Variants in INPP4B observed in about 807,000 individuals in gnomAD.
The protein encoded by INPP4B is inositol polyphosphate-4-phosphatase type II B, also known as inositol polyphosphate 4-phosphatase type II.
Under a neutral mutation model 122.5 loss-of-function variants are expected in INPP4B, and 55 were observed. That is an observed-to-expected ratio of 0.45 (90% CI 0.36 to 0.56). INPP4B has a LOEUF of 0.56. Ranked by LOEUF, INPP4B falls within the 20% of genes least tolerant of loss-of-function variation. The pLI is 0.00. For missense variants in INPP4B, 1,000 were observed against 1,097.7 expected (o/e 0.91, Z 1.26); for synonymous variants, 403 against 388.7 (o/e 1.04, Z -0.43).
chr4:142,615,991 T>C (rs942242097), intron 2 of INPP4B, among the ~76,000 whole-genome samples: 1 of 152,138 alleles, frequency 6.6e-6, no homozygotes, highest in African/African-American at 2.4e-5. Context: ...AGGGGCCATA[T>C]GTTTGAGGCT....
chr4:142,357,127 A>G lies in INPP4B; in HGVS notation c.373-42365T>C, dbSNP rs56190333. 7.2e-4 allele frequency among the ~76,000 whole-genome samples: 109 copies of G among 152,106 alleles called. 1 individual carries two copies. The highest frequency in any genetic ancestry group is 2.6e-3 in the African/African-American group (107 of 41,542). On this transcript the variant is annotated intron_variant, in intron 7 of 25. Transcript: ENST00000262992. ...AAATATCCTTTGTGATAAATTAGCA[A>G]TAGTAAGTAGAATTGCTTTTCTGAG...
At chr4:142,062,614 T>G (rs1190351269) in intron 25 of INPP4B, among the ~76,000 whole-genome samples, 1 of 151,932 alleles carries the variant, frequency 6.6e-6, no homozygotes, top group Non-Finnish European at 1.5e-5. Flanking sequence ...TGCGCACCTG[T>G]AGTCCCAGCT....
At chr4:142,299,879 G>A (rs923171164) in intron 9 of INPP4B, among the ~76,000 whole-genome samples, 11 of 151,726 alleles carry the variant, frequency 7.2e-5, no homozygotes, top group East Asian at 1.9e-4. Flanking sequence ...TAAGGGGCTT[G>A]GATATGATTT....
intron 1 of INPP4B, among the ~76,000 whole-genome samples, chr4:142,731,884 A>G (rs937705259): frequency 5.9e-5 from 9 of 152,182 alleles, no homozygotes; most frequent in African/African-American, 2.2e-4. Context: ...CATCATCTCA[A>G]TAGCCAATAC....
intron 2 of INPP4B, among the ~76,000 whole-genome samples, chr4:142,624,117 A>C (rs1580534468): frequency 6.7e-6 from 1 of 150,310 alleles, no homozygotes; most frequent in Admixed American, 6.6e-5. Context: ...TGGTATTTCT[A>C]GTTCTAGATC....
chr4:142,596,517 A>G lies in INPP4B; in HGVS notation c.-191+129322T>C, dbSNP rs140321037. On this transcript the variant is annotated intron_variant, in intron 2 of 25. Transcript: ENST00000262992. ...TAAGGCCAGCAGAAGAGCCATCCAA[A>G]AAACCCACAAACCTGTGAGAAAAGT... Among the ~76,000 whole-genome samples the G allele has an allele frequency of 2.7e-3, 408 of 152,350 alleles. 6 individuals carry two copies. Among genetic ancestry groups the G allele is most frequent in the East Asian group, 0.018 (95 of 5,184 alleles).
intron 7 of INPP4B, among the ~76,000 whole-genome samples, chr4:142,369,456 GT>G (rs573484492): frequency 1.3e-5 from 2 of 151,574 alleles, no homozygotes; most frequent in Non-Finnish European, 2.9e-5. Flanking sequence ...CATGCCTGTA[GT>G]CCCCCGCTAC....
intron 2 of INPP4B, among the ~76,000 whole-genome samples, chr4:142,624,701 T>A (rs1745890967): frequency 6.6e-6 from 1 of 152,124 alleles, no homozygotes; most frequent in African/African-American, 2.4e-5. Context: ...TAGACCAATA[T>A]CCTTGATGAA....
At chr4:142,487,886 C>T (rs1354319298) in intron 2 of INPP4B, among the ~76,000 whole-genome samples, 2 of 152,026 alleles carry the variant, frequency 1.3e-5, no homozygotes, top group Non-Finnish European at 2.9e-5. Context: ...TTACTTATTC[C>T]TTTGGAATTG....
At chr4:142,400,847 G>C (rs1241984572) in intron 7 of INPP4B, among the ~76,000 whole-genome samples, 1 of 152,144 alleles carries the variant, frequency 6.6e-6, no homozygotes, top group Non-Finnish European at 1.5e-5. Flanking sequence ...GAGTACATTA[G>C]TTGTCTATCT....
At chr4:142,396,011 T>C (rs1332774507) in intron 7 of INPP4B, among the ~76,000 whole-genome samples, 1 of 152,152 alleles carries the variant, frequency 6.6e-6, no homozygotes, top group Non-Finnish European at 1.5e-5. Context: ...AATACTGTAC[T>C]GTATATTTAA....
At chr4:142,202,730 C>T in intron 14 of INPP4B, 1 of 984,688 alleles carries the variant, frequency 1.0e-6, no homozygotes, top group Non-Finnish European at 1.2e-6. Flanking sequence ...AGTTAAGCTT[C>T]TTTTCATACC....
intron 2 of INPP4B, among the ~76,000 whole-genome samples, chr4:142,628,865 A>G (rs1747229860): frequency 6.6e-6 from 1 of 152,056 alleles, no homozygotes; most frequent in Non-Finnish European, 1.5e-5. Context: ...GCTGGGGAGG[A>G]GCACAAATAA....
intron 9 of INPP4B, among the ~76,000 whole-genome samples, chr4:142,293,559 T>G (rs2151002088): frequency 6.6e-6 from 1 of 152,342 alleles, no homozygotes; most frequent in Non-Finnish European, 1.5e-5. Context: ...TTAAAATCTG[T>G]CTTGTCTATT....
intron 2 of INPP4B, among the ~76,000 whole-genome samples, chr4:142,724,509 A>G (rs1340634884): frequency 6.6e-6 from 1 of 152,090 alleles, no homozygotes; most frequent in Non-Finnish European, 1.5e-5. Flanking sequence ...AACCTCTTCC[A>G]CATATTGTCT....
chr4:142,208,664 T>C, intron 13 of INPP4B, 135 bp from the exon 14 acceptor site: 1 of 544,224 alleles, frequency 1.8e-6, no homozygotes, highest in Non-Finnish European at 3.0e-6. Flanking sequence ...GAGTTGCTTT[T>C]CTTTTACAAA....
intron 25 of INPP4B, among the ~76,000 whole-genome samples, chr4:142,065,377 C>G (rs1033142496): frequency 1.3e-5 from 2 of 151,922 alleles, no homozygotes; most frequent in Admixed American, 1.3e-4. Context: ...AAATTAAAGC[C>G]CACATGTACA....
chr4:142,121,269 G>T (rs1435599773), intron 21 of INPP4B, among the ~76,000 whole-genome samples: 9 of 152,076 alleles, frequency 5.9e-5, no homozygotes, highest in Non-Finnish European at 1.3e-4. Flanking sequence ...TCAACTATGT[G>T]GTTCTGGGTA....
At chr4:142,348,000 G>T (rs1285666789) in intron 7 of INPP4B, among the ~76,000 whole-genome samples, 1 of 152,024 alleles carries the variant, frequency 6.6e-6, no homozygotes, top group African/African-American at 2.4e-5. Context: ...CATAAATTTT[G>T]CTATGTAATT....
Sources: allele counts gnomAD v4.1 joint callset (sites outside exome capture counted in the v4.1 genomes callset), GRCh38; gene constraint gnomAD v4.1.1; transcripts MANE v1.5; gene names NCBI Gene and HGNC (gene_info 2026-07-23, HGNC 2026-07-21).